PRPF19: variants seen among roughly 807,000 people sequenced by gnomAD.
PRPF19 encodes pre-mRNA processing factor 19, also known as pre-mRNA-processing factor 19.
PRPF19 carries 2 observed loss-of-function variants against 64.2 expected under a neutral mutation model. That is an observed-to-expected ratio of 0.03 (90% CI 0.01 to 0.10). PRPF19 has a LOEUF of 0.10. Ranked by LOEUF, PRPF19 falls within the 10% of genes least tolerant of loss-of-function variation. The probability of loss-of-function intolerance (pLI) is 1.00; values close to 1 mark genes in which losing one functional copy is unlikely to be tolerated. For synonymous variants in PRPF19, 226 were observed against 251.6 expected (o/e 0.90, Z 0.96); for missense variants, 314 against 650.0 (o/e 0.48, Z 5.62).
rs994388992 is a variant in PRPF19 at position 60,902,107 on chromosome 11, C to T, written c.525+296G>A. On this transcript the variant is annotated intron_variant, in intron 6 of 15. Coordinates refer to ENST00000227524, the MANE Select transcript of PRPF19 (RefSeq NM_014502.5). The surrounding 1 kb of genome is among the most constrained non-coding windows in gnomAD (Gnocchi z 5.0). ...ATAACAATAAGAGCTAAAAGGTGCA[C>T]TTATCAGTAATGAAATCTTTTAAAT... Among the ~76,000 whole-genome samples the T allele has an allele frequency of 6.6e-6, 1 of 152,144 alleles. No homozygotes were observed. The highest frequency in any genetic ancestry group is 1.5e-5 in the Non-Finnish European group (1 of 68,030).
At position 60,898,843 on chromosome 11, in the gene PRPF19, T is replaced by C. The variant is rs1354927317; in HGVS notation, c.1054+19A>G. 2 of 1,575,344 alleles carry C rather than the reference T, an allele frequency of 1.3e-6. No individual in the cohort carries two copies. The highest frequency in any genetic ancestry group is 1.7e-6 in the Non-Finnish European group (2 of 1,159,860). On this transcript the variant is annotated intron_variant, in intron 12 of 15. Transcript: ENST00000227524. This position sits in a 1 kb window ranked among gnomAD's most constrained non-coding sequence, Gnocchi z 4.6. ...ATAAACAGCAAACAAAAAAGCTGAG[T>C]GCCTATGAGGCAACTTACAGCAGCC...
At chr11:60,894,289 T>C (rs1855896738) in intron 15 of PRPF19, among the ~76,000 whole-genome samples, 1 of 152,244 alleles carries the variant, frequency 6.6e-6, no homozygotes, top group Non-Finnish European at 1.5e-5. Context: ...CTGGAATCAA[T>C]CCTCTCAAAT....
chr11:60,906,474 C>A lies in PRPF19; in HGVS notation c.-92G>T. On this transcript the variant is annotated 5_prime_UTR_variant, in exon 1 of 16. Transcript: ENST00000227524. ...GCCACTTCCGGTCCCCCGCTGCTGCCGGGACTGCTCCGCGGCGAGCTGGGA... is the reference window on the plus strand; with the variant it reads ...GCCACTTCCGGTCCCCCGCTGCTGCAGGGACTGCTCCGCGGCGAGCTGGGA... The A allele has an allele frequency of 7.3e-7, 1 of 1,376,200 alleles. No individual in the cohort carries two copies. The highest frequency in any genetic ancestry group is 9.9e-7 in the Non-Finnish European group (1 of 1,006,444). 85.2% of individuals were successfully genotyped at this position (1,376,200 alleles called of 1,614,324 possible). A position where few individuals can be genotyped will look rare whatever the true frequency, so the allele number is the denominator to read the frequency against.
At chr11:60,892,603 C>A (rs997006672) in intron 15 of PRPF19, among the ~76,000 whole-genome samples, 2 of 152,224 alleles carry the variant, frequency 1.3e-5, no homozygotes, top group African/African-American at 4.8e-5. Flanking sequence ...ACCATTCCCA[C>A]TTTTCTGAGA....
At chr11:60,897,588 A>C (rs1590605872) in intron 15 of PRPF19, 1 of 368,658 alleles carries the variant, frequency 2.7e-6, no homozygotes, top group East Asian at 4.9e-5. Context: ...TTCAGTTATC[A>C]AAACTTCAGA....
chr11:60,902,258 C>A lies in PRPF19; in HGVS notation c.525+145G>T. ...GCTTACAAGTAGTGGCATCAAAATA[C>A]AAACCCAGGCAATCTGGTCCCAGGG... On this transcript the variant is annotated intron_variant, in intron 6 of 15. Transcript: ENST00000227524. The surrounding 1 kb of genome is among the most constrained non-coding windows in gnomAD (Gnocchi z 5.0). The A allele has an allele frequency of 1.1e-6, 1 of 898,932 alleles. No homozygotes were observed. The highest frequency in any genetic ancestry group is 2.5e-5 in the Admixed American group (1 of 39,830). The allele number at this position is 898,932 out of a possible 1,614,324, so 55.7% of individuals were successfully genotyped here.
intron 15 of PRPF19, among the ~76,000 whole-genome samples, chr11:60,896,705 G>C (rs1262946024): frequency 6.6e-6 from 1 of 152,196 alleles, no homozygotes; most frequent in Non-Finnish European, 1.5e-5. Flanking sequence ...CAATTACCCA[G>C]GCAGTTCTTC....
intron 15 of PRPF19, among the ~76,000 whole-genome samples, chr11:60,892,747 T>C (rs1332879335): frequency 1.3e-5 from 2 of 152,126 alleles, no homozygotes; most frequent in South Asian, 2.1e-4. Flanking sequence ...TAAGGGCAGG[T>C]CATCTGAAAG....
intron 3 of PRPF19, among the ~76,000 whole-genome samples, chr11:60,903,144 G>A (rs901786822): frequency 2.0e-5 from 3 of 152,144 alleles, no homozygotes; most frequent in Non-Finnish European, 4.4e-5. Flanking sequence ...AATCCCAGCT[G>A]TCATGCCGTC....
Position 60,903,849 on chromosome 11 carries a change from A to C in PRPF19, c.32T>G (p.Val11Gly). The C allele has an allele frequency of 6.2e-7, 1 of 1,609,004 alleles. No homozygotes were observed. The change falls in exon 2 of 16, where the codon GTG becomes GGG. Residue 11 changes from valine (V) to glycine (G), a missense_variant. Val to Gly is a moderately radical substitution (Grantham distance 109). Around this residue, in one of 7 missense-constraint regions of PRPF19, gnomAD observed 66 missense variants for 88.4 expected, o/e 0.75. Transcript: ENST00000227524. ...AGGGGATACACATGGGTGCTCCGGC[A>C]CTTCGTTAGAGACTGTAGAGAAAAG... The part of the protein sequence containing the change: MSLICSISNE[V>G]PEHPCVSPVS...
chr11:60,898,364 C>G lies in PRPF19; in HGVS notation c.1141-93G>C, dbSNP rs1022202037. 4 of 1,525,820 alleles carry G rather than the reference C, an allele frequency of 2.6e-6. No homozygotes were observed. Among genetic ancestry groups the G allele is most frequent in the Non-Finnish European group, 3.5e-6 (4 of 1,127,942 alleles). 94.5% of individuals were successfully genotyped at this position (1,525,820 alleles called of 1,614,324 possible). Reference sequence around the variant, plus strand: ...AAACTCCTACCTGAGATGTCCCTCACGTCCTTCCAGGAAGGACAGCCAGCG... The same window carrying G: ...AAACTCCTACCTGAGATGTCCCTCAGGTCCTTCCAGGAAGGACAGCCAGCG... On this transcript the variant is annotated intron_variant, in intron 13 of 15. Transcript: ENST00000227524. The surrounding 1 kb of genome is among the most constrained non-coding windows in gnomAD (Gnocchi z 4.6).
chr11:60,905,579 T>A (rs559832146), intron 1 of PRPF19: 2 of 152,206 alleles, frequency 1.3e-5, no homozygotes, highest in South Asian at 4.1e-4. Flanking sequence ...GTGGAAGGTA[T>A]GAAAAAAGCA....
chr11:60,892,419 G>A (rs933915406), intron 15 of PRPF19, among the ~76,000 whole-genome samples: 5 of 152,114 alleles, frequency 3.3e-5, no homozygotes, highest in Non-Finnish European at 5.9e-5. Context: ...TCCTGACTAC[G>A]TGCCAGACAC....
At chr11:60,901,400 C>T in intron 7 of PRPF19, 31 bp from the exon 8 acceptor site, 3 of 1,614,046 alleles carry the variant, frequency 1.9e-6, no homozygotes, top group Non-Finnish European at 2.5e-6. Context: ...CAAAGAAGAG[C>T]AGCAATGAAT....
At chr11:60,897,032 T>C (rs1855929890) in intron 15 of PRPF19, among the ~76,000 whole-genome samples, 1 of 152,196 alleles carries the variant, frequency 6.6e-6, no homozygotes, top group African/African-American at 2.4e-5. Context: ...CTAAGTGTAC[T>C]GTGTTTATAA....
At chr11:60,903,901 A>C (rs1039028700) in intron 1 of PRPF19, 40 bp from the exon 2 acceptor site, 1 of 1,595,710 alleles carries the variant, frequency 6.3e-7, no homozygotes, top group South Asian at 1.1e-5. Context: ...GAGTGAAGGC[A>C]ATCTTGGGCC....
intron 15 of PRPF19, among the ~76,000 whole-genome samples, chr11:60,893,163 G>C (rs1453724205): frequency 6.6e-6 from 1 of 152,188 alleles, no homozygotes; most frequent in East Asian, 1.9e-4. Flanking sequence ...TGGGGATACA[G>C]GTATAAACAA....
chr11:60,901,304 T>C lies in PRPF19; in HGVS notation c.633A>G (p.Ala211=), dbSNP rs1298092628. 2.5e-6 allele frequency: 4 copies of C among 1,614,158 alleles called. No homozygotes were observed. Among genetic ancestry groups the C allele is most frequent in the Non-Finnish European group, 3.4e-6 (4 of 1,180,028 alleles). The change falls in exon 8 of 16, where the codon GCA becomes GCG. Residue 211 remains alanine (A), a synonymous_variant. Coordinates refer to ENST00000227524, the MANE Select transcript of PRPF19 (RefSeq NM_014502.5). Reference sequence around the variant, plus strand: ...AGACCCAGACACTCACCACGTGGGATGCCACCTGCCGGTATTTGCTGAGCT... The same window carrying C: ...AGACCCAGACACTCACCACGTGGGACGCCACCTGCCGGTATTTGCTGAGCT... ...PEELSKYRQV[A]SHVGLHSASI...
At position 60,891,085 on chromosome 11, in the gene PRPF19, AT is replaced by A. The variant is rs1368994901; in HGVS notation, c.*80del. The A allele has an allele frequency of 5.1e-4, 49 of 95,438 alleles. No individual in the cohort carries two copies. The highest frequency in any genetic ancestry group is 7.1e-4 in the African/African-American group (6 of 8,496). The allele number at this position is 95,438 out of a possible 1,614,324, so 5.9% of individuals were successfully genotyped here. A position where few individuals can be genotyped will look rare whatever the true frequency, so the allele number is the denominator to read the frequency against. ...CCCACAGAGCCCCCTCCCCCCATAG[AT>A]TCCCCCCACCCCCCCCCCCAAACCC... is the stretch of plus-strand genomic sequence containing the variant. On this transcript the variant is annotated 3_prime_UTR_variant, in exon 16 of 16. Transcript: ENST00000227524.
Sources: gnomAD v4.1 joint callset for allele counts (sites outside exome capture counted in the v4.1 genomes callset) on GRCh38, gnomAD v4.1.1 for gene constraint, gnomAD v4.1.1 regional missense constraint, Gnocchi (gnomAD v3.1) non-coding constraint, MANE v1.5 for transcripts, NCBI Gene and HGNC (gene_info 2026-07-23, HGNC 2026-07-21) for gene names.